The following CPHXL variants were observed in gnomAD, a reference collection of about 807,000 sequenced individuals.
CPHXL encodes the protein cytoplasmic polyadenylated homeobox like, also known as cytoplasmic polyadenylated homeobox-like protein.
intron 1 of CPHXL, among the ~76,000 whole-genome samples, chr16:75,725,957 C>G (rs961194520): frequency 1.3e-5 from 2 of 151,330 alleles, no homozygotes; most frequent in South Asian, 2.1e-4. Context: ...TAATCGATGA[C>G]CTAAGTTTCC....
chr16:75,726,273 T>A (rs528918048), intron 1 of CPHXL, 145 bp downstream of exon 1: 10 of 396,482 alleles, frequency 2.5e-5, no homozygotes, highest in South Asian at 1.4e-4. Context: ...AAAGTACCCA[T>A]GAATGCCCTA....
intron 1 of CPHXL, among the ~76,000 whole-genome samples, chr16:75,723,380 G>A (rs1959505619): frequency 6.6e-6 from 1 of 152,152 alleles, no homozygotes; most frequent in African/African-American, 2.4e-5. Context: ...ATCTCCTTAA[G>A]CTGATAAGCA....
intron 1 of CPHXL, among the ~76,000 whole-genome samples, chr16:75,720,974 C>T (rs1190235311): frequency 6.6e-6 from 1 of 152,182 alleles, no homozygotes. Flanking sequence ...AAAGAATTTT[C>T]AACCAGAATT....
chr16:75,716,589 C>T (rs1959395879), intron 2 of CPHXL, among the ~76,000 whole-genome samples: 1 of 152,218 alleles, frequency 6.6e-6, no homozygotes, highest in South Asian at 2.1e-4. Context: ...CAGGAACTTC[C>T]ACACGTTCAA....
At chr16:75,724,744 A>T (rs1471148915) in intron 1 of CPHXL, among the ~76,000 whole-genome samples, 1 of 152,208 alleles carries the variant, frequency 6.6e-6, no homozygotes, top group Non-Finnish European at 1.5e-5. Context: ...AGAACTAGAA[A>T]TGCCATTTGA....
intron 1 of CPHXL, among the ~76,000 whole-genome samples, chr16:75,721,608 C>T (rs1470467851): frequency 2.0e-5 from 3 of 152,082 alleles, no homozygotes; most frequent in South Asian, 2.1e-4. Flanking sequence ...TAAAGCAAGT[C>T]CTTAGAGACC....
intron 1 of CPHXL, among the ~76,000 whole-genome samples, chr16:75,725,158 G>C (rs56980668): frequency 0.11 from 16,365 of 151,536 alleles, 2,261 homozygotes; most frequent in East Asian, 0.65. Context: ...ATAGCATTAG[G>C]AGATGTGCCT....
intron 1 of CPHXL, among the ~76,000 whole-genome samples, chr16:75,725,602 G>A (rs113202129): frequency 2.0e-5 from 3 of 151,698 alleles, no homozygotes; most frequent in South Asian, 4.2e-4. Context: ...ACAGGCGCCC[G>A]CCACCACACC....
At position 75,726,306 on chromosome 16, in the gene CPHXL, A is replaced by T. The variant is rs1597224390; in HGVS notation, c.25+112T>A. 5 of 398,048 alleles carry T rather than the reference A, an allele frequency of 1.3e-5. No individual in the cohort carries two copies. The East Asian group carries it at 1.8e-4, about 14-fold the overall frequency. 24.7% of individuals were successfully genotyped at this position (398,048 alleles called of 1,614,324 possible). A position where few individuals can be genotyped will look rare whatever the true frequency, so the allele number is the denominator to read the frequency against. Reference sequence around the variant, plus strand: ...CTAACACAATTTACCGGTGAAAAACAGCTGCTGCTCCAACAATCTGTACCT... The same window carrying T: ...CTAACACAATTTACCGGTGAAAAACTGCTGCTGCTCCAACAATCTGTACCT... On this transcript the variant is annotated intron_variant, in intron 1 of 2. Transcript: ENST00000640559.
intron 2 of CPHXL, among the ~76,000 whole-genome samples, chr16:75,717,810 T>C (rs1959415177): frequency 6.6e-6 from 1 of 152,234 alleles, no homozygotes. Context: ...CCAGTGGAGA[T>C]GGAGGATTAA....
At chr16:75,725,748 G>T (rs1306959698) in intron 1 of CPHXL, among the ~76,000 whole-genome samples, 1 of 109,890 alleles carries the variant, frequency 9.1e-6, no homozygotes, top group Non-Finnish European at 1.8e-5. Flanking sequence ...CACCGTGCCC[G>T]GCGTCTTTTT....
chr16:75,715,407 C>G (rs185707689), intron 2 of CPHXL, among the ~76,000 whole-genome samples, 185 bp from the exon 3 acceptor site: 2 of 152,170 alleles, frequency 1.3e-5, no homozygotes, highest in African/African-American at 4.8e-5. Context: ...TGTGATAACA[C>G]AGGTCATGCA....
chr16:75,717,315 G>A (rs1376910303), intron 2 of CPHXL, among the ~76,000 whole-genome samples: 9 of 152,122 alleles, frequency 5.9e-5, no homozygotes, highest in African/African-American at 1.7e-4. Flanking sequence ...TTTCTTATGC[G>A]ATGAAATGCT....
chr16:75,725,196 A>T (rs1201986238), intron 1 of CPHXL, among the ~76,000 whole-genome samples: 1 of 152,176 alleles, frequency 6.6e-6, no homozygotes, highest in Non-Finnish European at 1.5e-5. Flanking sequence ...TAATGGGTGC[A>T]GCACACCAAC....
chr16:75,725,745 C>T (rs1452662320), intron 1 of CPHXL, among the ~76,000 whole-genome samples: 2 of 119,380 alleles, frequency 1.7e-5, no homozygotes, highest in African/African-American at 5.6e-5. Flanking sequence ...AGCCACCGTG[C>T]CCGGCGTCTT....
At chr16:75,724,947 A>G (rs998521754) in intron 1 of CPHXL, among the ~76,000 whole-genome samples, 1 of 152,240 alleles carries the variant, frequency 6.6e-6, no homozygotes, top group African/African-American at 2.4e-5. Flanking sequence ...ATGCAGCCAT[A>G]AAAAATGATG....
intron 1 of CPHXL, among the ~76,000 whole-genome samples, chr16:75,721,612 A>G (rs1398672080): frequency 3.9e-5 from 6 of 152,230 alleles, no homozygotes. Context: ...GCAAGTCCTT[A>G]GAGACCTACA....
chr16:75,716,830 TTAG>T (rs1959399511), intron 2 of CPHXL, among the ~76,000 whole-genome samples: 1 of 152,210 alleles, frequency 6.6e-6, no homozygotes, highest in Admixed American at 6.5e-5. Context: ...AGTCAGTTCA[TTAG>T]TAGACAACTC....
At position 75,714,365 on chromosome 16, in the gene CPHXL, A is replaced by C; in HGVS notation, c.1077T>G (p.Pro359=). 2.5e-6 allele frequency: 1 copy of C among 398,456 alleles called. No individual in the cohort carries two copies. The highest frequency in any genetic ancestry group is 3.6e-5 in the East Asian group (1 of 28,048). 24.7% of individuals were successfully genotyped at this position (398,456 alleles called of 1,614,324 possible). A position where few individuals can be genotyped will look rare whatever the true frequency, so the allele number is the denominator to read the frequency against. ...AGCACAACGGCTTTCCATTATTCTG[A>C]GGCAGTTGACTCTGCAGCTGTGACT... ...SAQSQLQSQL[P]QNNGKPLCSQ... The change falls in exon 3 of 3, where the codon CCT becomes CCG. Residue 359 remains proline, a synonymous_variant. Transcript: ENST00000640559.
Sources: allele counts gnomAD v4.1 joint callset (sites outside exome capture counted in the v4.1 genomes callset), GRCh38; gene constraint gnomAD v4.1.1; transcripts MANE v1.5; gene names NCBI Gene and HGNC (gene_info 2026-07-23, HGNC 2026-07-21).